The following ETV1 variants were observed in gnomAD, a reference collection of about 807,000 sequenced individuals.
ETV1 encodes ETS variant transcription factor 1, also known as ETS translocation variant 1.
ETV1 carries 27 observed loss-of-function variants against 62.3 expected under a neutral mutation model. The ratio of observed to expected loss-of-function variants is 0.43; its 90% CI spans 0.32 to 0.60. ETV1 has a LOEUF of 0.60. Among genes scored for constraint, ETV1 ranks in the 20% least tolerant of loss-of-function variants. The pLI, the probability that ETV1 is intolerant of heterozygous loss-of-function variation, is 0.06. For missense variants in ETV1, 605 were observed against 605.8 expected (o/e 1.00, Z 0.01); for synonymous variants, 222 against 199.6 (o/e 1.11, Z -0.94).
intron 13 of ETV1, among the ~76,000 whole-genome samples, chr7:13,897,440 T>C (rs1781964151): frequency 6.6e-6 from 1 of 152,224 alleles, no homozygotes; most frequent in Non-Finnish European, 1.5e-5. Context: ...TGAATTTAAG[T>C]AAGAGGAACC....
At chr7:13,906,856 C>T (rs1319407935) in intron 11 of ETV1, among the ~76,000 whole-genome samples, 2 of 152,076 alleles carry the variant, frequency 1.3e-5, no homozygotes, top group African/African-American at 4.8e-5. Context: ...GAATGACACA[C>T]ATCATTTACT....
rs573909863 is a variant in ETV1 at position 13,895,246 on chromosome 7, C to T, written c.*620G>A. ...ATTATTCAACTTCAGAGAGAATTACCCATTTTATGGTTATCCTCTGCAAGT... is the reference window on the plus strand; with the variant it reads ...ATTATTCAACTTCAGAGAGAATTACTCATTTTATGGTTATCCTCTGCAAGT... On this transcript the variant is annotated 3_prime_UTR_variant, in exon 14 of 14. Coordinates refer to ENST00000430479, the MANE Select transcript of ETV1 (RefSeq NM_004956.5). 5.7e-4 allele frequency: 133 copies of T among 233,552 alleles called. No individual in the cohort carries two copies. Among genetic ancestry groups the T allele is most frequent in the African/African-American group, 2.8e-3 (126 of 45,432 alleles). 14.5% of individuals were successfully genotyped at this position (233,552 alleles called of 1,614,324 possible). A position where few individuals can be genotyped will look rare whatever the true frequency, so the allele number is the denominator to read the frequency against.
intron 6 of ETV1, among the ~76,000 whole-genome samples, chr7:13,945,131 T>C (rs1788005500): frequency 4.6e-5 from 7 of 152,200 alleles, no homozygotes; most frequent in Admixed American, 3.9e-4. Context: ...AGAAAATTAA[T>C]ACACCACTCC....
chr7:13,981,924 G>A (rs924878608), intron 5 of ETV1, among the ~76,000 whole-genome samples: 1 of 152,022 alleles, frequency 6.6e-6, no homozygotes, highest in Admixed American at 6.6e-5. Flanking sequence ...AAATAATCAT[G>A]AGTCCACTAA....
intron 12 of ETV1, 190 bp downstream of exon 12, chr7:13,906,240 G>A (rs927278679): frequency 2.6e-5 from 11 of 429,530 alleles, no homozygotes; most frequent in African/African-American, 6.1e-5. Flanking sequence ...GTATACAACC[G>A]GAAGGAACAC....
rs144984792 is a variant in ETV1, at chr7:13,896,743, G to GAAA, written c.1213-657_1213-656insTTT. Among the ~76,000 whole-genome samples, 42 of 115,380 alleles carry GAAA rather than the reference G, an allele frequency of 3.6e-4. 1 individual carries two copies. The highest frequency in any genetic ancestry group is 5.1e-4 in the Non-Finnish European group (29 of 57,192). 75.7% of individuals were successfully genotyped at this position (115,380 alleles called of 152,430 possible). ...AGAAAGAAAAAGAAAAAGAAAGAAA[G>GAAA]GAAAGAAAGAAAGAAAGAAAGAAAG... On this transcript the variant is annotated intron_variant, in intron 13 of 13. Transcript: ENST00000430479.
intron 6 of ETV1, among the ~76,000 whole-genome samples, chr7:13,960,945 C>T (rs558946443): frequency 2.6e-5 from 4 of 152,002 alleles, no homozygotes; most frequent in Admixed American, 1.3e-4. Flanking sequence ...AGTTCAAGAC[C>T]GCTAGGTAAC....
At chr7:13,916,930 CAA>C (rs112923173) in intron 9 of ETV1, among the ~76,000 whole-genome samples, 64 of 129,210 alleles carry the variant, frequency 5.0e-4, no homozygotes, top group South Asian at 2.2e-3. Flanking sequence ...AGACCTTGTC[CAA>C]AAAAAAAAAA....
At chr7:13,903,760 C>G (rs921624714) in intron 12 of ETV1, among the ~76,000 whole-genome samples, 2 of 80,764 alleles carry the variant, frequency 2.5e-5, no homozygotes, top group Non-Finnish European at 4.2e-5. Flanking sequence ...GAGATTCCAT[C>G]TCAAAAAAAA....
At chr7:13,904,728 T>C (rs1782781111) in intron 12 of ETV1, among the ~76,000 whole-genome samples, 1 of 151,978 alleles carries the variant, frequency 6.6e-6, no homozygotes, top group African/African-American at 2.4e-5. Flanking sequence ...GAACCAACTC[T>C]TGCAGTGATT....
At chr7:13,953,083 CT>C in intron 6 of ETV1, among the ~76,000 whole-genome samples, 1 of 152,320 alleles carries the variant, frequency 6.6e-6, no homozygotes, top group South Asian at 2.1e-4. Flanking sequence ...CGTCCTACCC[CT>C]ACTGGTCCAG....
intron 6 of ETV1, among the ~76,000 whole-genome samples, chr7:13,956,705 G>A (rs1277371928): frequency 6.6e-6 from 1 of 152,168 alleles, no homozygotes; most frequent in East Asian, 1.9e-4. Flanking sequence ...CTTGGGCAGA[G>A]CATTTTGTAG....
At chr7:13,970,431 T>A (rs144311089) in intron 6 of ETV1, among the ~76,000 whole-genome samples, 2 of 152,248 alleles carry the variant, frequency 1.3e-5, no homozygotes, top group African/African-American at 4.8e-5. Context: ...GGTATGCAAC[T>A]AGTCATGCTT....
At chr7:13,975,336 G>A (rs1357955194) in intron 6 of ETV1, among the ~76,000 whole-genome samples, 1 of 152,014 alleles carries the variant, frequency 6.6e-6, no homozygotes, top group Non-Finnish European at 1.5e-5. Flanking sequence ...CACGAGGTCA[G>A]GAGATCGAGA....
intron 6 of ETV1, among the ~76,000 whole-genome samples, chr7:13,945,476 T>G (rs1788047637): frequency 6.6e-6 from 1 of 151,804 alleles, no homozygotes; most frequent in Admixed American, 6.6e-5. Context: ...GCCAAATAAG[T>G]AATCCAATGA....
At chr7:13,900,553 T>A (rs1782306717) in intron 13 of ETV1, 185 bp downstream of exon 13, 1 of 535,882 alleles carries the variant, frequency 1.9e-6, no homozygotes, top group Non-Finnish European at 3.3e-6. Context: ...TCACTACACA[T>A]TTGTCTACAA....
intron 3 of ETV1, chr7:13,988,610 G>GAAAAAAAAAAAAA: frequency 9.9e-7 from 1 of 1,008,126 alleles, no homozygotes; most frequent in Non-Finnish European, 1.2e-6. Context: ...AAAAAAAAAA[G>GAAAAAAAAAAAAA]AGAAAATGAG....
chr7:13,895,911 C>T lies in ETV1; in HGVS notation c.1389G>A (p.Gly463=), dbSNP rs538683499. Residue 463 remains glycine, a synonymous_variant, in exon 14 of 14, where the codon GGG becomes GGA. Transcript: ENST00000430479. ...TGTAGGGGTGGGGGTTGCAGCAGCC[C>T]CCTTCCGGCATGTAGGCCATGCTCT... ...FDESMAYMPE[G]GCCNPHPYNE... 6.2e-7 allele frequency: 1 copy of T among 1,613,730 alleles called. No homozygotes were observed. Among genetic ancestry groups the T allele is most frequent in the East Asian group, 2.2e-5 (1 of 44,886 alleles).
intron 9 of ETV1, among the ~76,000 whole-genome samples, chr7:13,919,407 GA>G (rs1784562587): frequency 6.7e-6 from 1 of 149,622 alleles, no homozygotes; most frequent in Admixed American, 6.7e-5. Flanking sequence ...CCAGAACAGA[GA>G]GTTGAAAAAT....
Sources: allele counts gnomAD v4.1 joint callset (sites outside exome capture counted in the v4.1 genomes callset), GRCh38; gene constraint gnomAD v4.1.1; transcripts MANE v1.5; gene names NCBI Gene and HGNC (gene_info 2026-07-23, HGNC 2026-07-21).